DOCK1: variants seen among roughly 807,000 people sequenced by gnomAD.
DOCK1 encodes dedicator of cytokinesis protein 1.
DOCK1 carries 138 observed loss-of-function variants against 262.7 expected under a neutral mutation model. The observed-to-expected ratio is 0.53, with a 90% CI of 0.46 to 0.61. The LOEUF (loss-of-function observed/expected upper bound fraction) is 0.61, where lower values mean the gene tolerates loss of function less well. DOCK1 is among the 20% of genes least tolerant of loss of function. The pLI is 0.00. For missense variants in DOCK1, 1,908 were observed against 2,370.7 expected (o/e 0.80, Z 4.05); for synonymous variants, 866 against 867.4 (o/e 1.00, Z 0.03).
intron 20 of DOCK1, 100 bp from the exon 21 acceptor site, chr10:127,042,964 T>C (rs2044117311): frequency 2.1e-6 from 2 of 975,064 alleles, no homozygotes; most frequent in African/African-American, 1.7e-5. Flanking sequence ...GAAAATGTTA[T>C]GGTTCATATC....
intron 48 of DOCK1, among the ~76,000 whole-genome samples, chr10:127,435,650 T>G (rs1222793572): frequency 6.6e-6 from 1 of 151,924 alleles, no homozygotes; most frequent in Non-Finnish European, 1.5e-5. Flanking sequence ...AGGGTGGAAA[T>G]TAATGGAGAG....
At chr10:126,926,031 TC>T in intron 1 of DOCK1, among the ~76,000 whole-genome samples, 1 of 152,168 alleles carries the variant, frequency 6.6e-6, no homozygotes, top group Non-Finnish European at 1.5e-5. Context: ...AGTTAACCGC[TC>T]TGAGCCTCAG....
intron 29 of DOCK1, among the ~76,000 whole-genome samples, chr10:127,297,291 G>A (rs896091815): frequency 6.6e-6 from 1 of 152,214 alleles, no homozygotes; most frequent in Non-Finnish European, 1.5e-5. Context: ...CTGTGGGAAT[G>A]TGGAGGGACG....
At chr10:127,049,438 G>T (rs543287102) in intron 21 of DOCK1, among the ~76,000 whole-genome samples, 1 of 152,140 alleles carries the variant, frequency 6.6e-6, no homozygotes, top group Admixed American at 6.5e-5. Context: ...GTAGAATCTC[G>T]TGAACTTGGG....
chr10:127,409,065 A>G lies in DOCK1; in HGVS notation c.4151A>G (p.Glu1384Gly). Residue 1384 changes from glutamate to glycine, a missense_variant, in exon 41 of 52, where the codon GAG becomes GGG. This residue lies in a region of DOCK1 where 267 missense variants were observed against 366.3 expected (regional missense o/e 0.73). Coordinates refer to ENST00000623213, the MANE Select transcript of DOCK1 (RefSeq NM_001290223.2). ...AAAGTTTTCATTTACCGAGGGAAAGAGTATGAGCGCCGGGAAGATTTTGAG... is the reference window on the plus strand; with the variant it reads ...AAAGTTTTCATTTACCGAGGGAAAGGGTATGAGCGCCGGGAAGATTTTGAG... ...RGKVFIYRGK[E>G]YERREDFEAR... The G allele has an allele frequency of 6.3e-7, 1 of 1,592,378 alleles. No individual in the cohort carries two copies. The highest frequency in any genetic ancestry group is 1.8e-5 in the Admixed American group (1 of 56,918).
chr10:127,068,421 T>G (rs530798346), intron 23 of DOCK1, among the ~76,000 whole-genome samples: 1 of 152,278 alleles, frequency 6.6e-6, no homozygotes, highest in South Asian at 2.1e-4. Flanking sequence ...CTGAGTAACT[T>G]TGGGCCTGTC....
chr10:127,410,370 C>A (rs949449289), intron 42 of DOCK1, among the ~76,000 whole-genome samples: 1 of 152,188 alleles, frequency 6.6e-6, no homozygotes, highest in African/African-American at 2.4e-5. Context: ...CTCTCCACGC[C>A]CTGCCCTGTG....
rs893848579 is a variant in DOCK1, at chr10:127,451,728, T to C, written c.*301T>C. The C allele has an allele frequency of 1.8e-5, 8 of 435,746 alleles. No individual in the cohort carries two copies. The highest frequency in any genetic ancestry group is 1.0e-4 in the South Asian group (4 of 38,298). 27.0% of individuals were successfully genotyped at this position (435,746 alleles called of 1,614,324 possible). A position where few individuals can be genotyped will look rare whatever the true frequency, so the allele number is the denominator to read the frequency against. On this transcript the variant is annotated 3_prime_UTR_variant, in exon 52 of 52. Coordinates refer to ENST00000623213, the MANE Select transcript of DOCK1 (RefSeq NM_001290223.2). ...CTGAGTCTTGCCCAAACATTCTTTC[T>C]TTTTGTGCCAAATGACTTGCATTTG...
intron 1 of DOCK1, among the ~76,000 whole-genome samples, chr10:126,950,649 CAG>C (rs1397344315): frequency 2.6e-5 from 4 of 152,102 alleles, no homozygotes; most frequent in Non-Finnish European, 5.9e-5. Flanking sequence ...GTGCTGTTCT[CAG>C]AGCAAGGCCA....
intron 1 of DOCK1, among the ~76,000 whole-genome samples, chr10:126,937,162 T>A (rs2034608587): frequency 6.6e-6 from 1 of 152,256 alleles, no homozygotes. Flanking sequence ...GCATATGTCG[T>A]AATTTCCTTT....
intron 18 of DOCK1, among the ~76,000 whole-genome samples, chr10:127,032,981 G>T (rs970017252): frequency 1.3e-5 from 2 of 152,158 alleles, no homozygotes; most frequent in African/African-American, 4.8e-5. Context: ...ACCTGGAATC[G>T]GACCATAGCC....
intron 27 of DOCK1, among the ~76,000 whole-genome samples, chr10:127,168,583 T>C (rs899625611): frequency 6.6e-6 from 1 of 152,198 alleles, no homozygotes; most frequent in Admixed American, 6.5e-5. Context: ...CCACCTCCTC[T>C]CCTCAAAATT....
chr10:127,300,207 G>T (rs190405809), intron 29 of DOCK1, among the ~76,000 whole-genome samples: 2 of 152,150 alleles, frequency 1.3e-5, no homozygotes, highest in Non-Finnish European at 2.9e-5. Context: ...GAACTCTTGG[G>T]AATTGCCGCC....
intron 31 of DOCK1, among the ~76,000 whole-genome samples, chr10:127,346,223 C>T (rs376820261): frequency 5.5e-4 from 84 of 152,322 alleles, no homozygotes; most frequent in African/African-American, 1.7e-3. Flanking sequence ...CCGAGCACCC[C>T]GCAAGCCCCA....
Position 127,447,563 on chromosome 10 carries a change from A to G in DOCK1, c.5565+18A>G, listed in dbSNP as rs771310366. ...ACCAGAGGGTAAGTCGGCAATCTGA[A>G]ACACAGGCTTTCATTGCTTCGCCTC... On this transcript the variant is annotated intron_variant, in intron 51 of 51. Transcript: ENST00000623213. The G allele has an allele frequency of 6.2e-7, 1 of 1,612,520 alleles. No individual in the cohort carries two copies. Among genetic ancestry groups the G allele is most frequent in the Non-Finnish European group, 8.5e-7 (1 of 1,178,890 alleles).
intron 47 of DOCK1, among the ~76,000 whole-genome samples, chr10:127,430,537 G>A (rs1253942814): frequency 6.6e-6 from 1 of 152,122 alleles, no homozygotes; most frequent in Non-Finnish European, 1.5e-5. Flanking sequence ...TGGCCTCTGA[G>A]GGCCGGCCAA....
intron 23 of DOCK1, among the ~76,000 whole-genome samples, chr10:127,099,043 GA>G (rs1336606049): frequency 6.6e-6 from 1 of 152,224 alleles, no homozygotes; most frequent in Non-Finnish European, 1.5e-5. Context: ...AGGAAAGCCA[GA>G]GCCTGTGGTA....
intron 1 of DOCK1, among the ~76,000 whole-genome samples, chr10:126,911,104 C>G (rs891367166): frequency 1.3e-5 from 2 of 152,186 alleles, no homozygotes; most frequent in African/African-American, 4.8e-5. Flanking sequence ...GGATGTTTAG[C>G]TTTTTAAGAA....
Position 127,384,782 on chromosome 10 carries a change from T to A in DOCK1, c.3808-8T>A. The A allele has an allele frequency of 6.4e-7, 1 of 1,562,212 alleles. No individual in the cohort carries two copies. Among genetic ancestry groups the A allele is most frequent in the Non-Finnish European group, 8.6e-7 (1 of 1,160,030 alleles). ...CTCGGGTCCGCTCATGCTATGCTTCTCCCTTAGTGGTCGGAGGATGTGTGT... is the reference window on the plus strand; with the variant it reads ...CTCGGGTCCGCTCATGCTATGCTTCACCCTTAGTGGTCGGAGGATGTGTGT... On this transcript the variant is annotated splice_region_variant and splice_polypyrimidine_tract_variant and intron_variant, in intron 37 of 51. Coordinates refer to ENST00000623213, the MANE Select transcript of DOCK1 (RefSeq NM_001290223.2).
Sources: gnomAD v4.1 joint callset for allele counts (sites outside exome capture counted in the v4.1 genomes callset) on GRCh38, gnomAD v4.1.1 for gene constraint, gnomAD v4.1.1 regional missense constraint, MANE v1.5 for transcripts, NCBI Gene and HGNC (gene_info 2026-07-23, HGNC 2026-07-21) for gene names.